The following AMZ1 variants were observed in gnomAD, a reference collection of about 807,000 sequenced individuals.
The protein encoded by AMZ1 is archaelysin family metallopeptidase 1.
AMZ1 carries 39 observed loss-of-function variants against 29.9 expected under a neutral mutation model. That is an observed-to-expected ratio of 1.30 (90% confidence interval 1.01 to 1.70). The LOEUF (loss-of-function observed/expected upper bound fraction) is 1.70, where lower values mean the gene tolerates loss of function less well. AMZ1 is among the 40% of genes most tolerant of loss of function. The pLI is 0.00. For missense variants in AMZ1, 1,041 were observed against 680.6 expected, an observed-to-expected ratio of 1.53 and a Z score of -5.89; for synonymous variants, 458 against 304.0, an observed-to-expected ratio of 1.51 and a Z score of -5.27.
intron 1 of AMZ1, among the ~76,000 whole-genome samples, chr7:2,688,562 G>A (rs1787190935): frequency 6.6e-6 from 1 of 152,170 alleles, no homozygotes; most frequent in African/African-American, 2.4e-5. Flanking sequence ...AGGGCCACGC[G>A]CCCCCTCCCC....
intron 1 of AMZ1, among the ~76,000 whole-genome samples, chr7:2,696,006 TGGG>T (rs561492178): frequency 9.5e-6 from 1 of 105,500 alleles, no homozygotes; most frequent in Non-Finnish European, 2.1e-5. Context: ...GAAACTGTCT[TGGG>T]GGGGAAAAAA....
At position 2,719,106 on chromosome 7, in the gene AMZ1, G is replaced by A. The variant is rs1378586232; in HGVS notation, c.*6228G>A. 3.3e-5 allele frequency among the ~76,000 whole-genome samples: 5 copies of A among 151,254 alleles called. No individual in the cohort carries two copies. The highest frequency in any genetic ancestry group is 4.2e-4 in the South Asian group (2 of 4,806). ...GTGGGTGGTGGCCGTCCTCTTGGGC[G>A]CCCCCTTGTGAGGGCTCGAGGCCTT... On this transcript the variant is annotated 3_prime_UTR_variant, in exon 7 of 7. Transcript: ENST00000683327.
chr7:2,683,215 A>G (rs1438603368), upstream of AMZ1, among the ~76,000 whole-genome samples: 3 of 152,180 alleles, frequency 2.0e-5, no homozygotes, highest in Non-Finnish European at 4.4e-5. Context: ...TGCGGCTTCA[A>G]ACAGCACACA....
At chr7:2,739,030 C>G (rs557524180) in intron 4 of AMZ1, among the ~76,000 whole-genome samples, 2 of 152,134 alleles carry the variant, frequency 1.3e-5, no homozygotes, top group Non-Finnish European at 2.9e-5. Context: ...GGTCCTTGGC[C>G]GTGGAGCAGC....
chr7:2,693,629 C>T (rs1787536151), intron 1 of AMZ1, among the ~76,000 whole-genome samples: 1 of 152,228 alleles, frequency 6.6e-6, no homozygotes, highest in Non-Finnish European at 1.5e-5. Context: ...GATCTCCGCT[C>T]ACTGCAAGCT....
chr7:2,741,074 A>G (rs541369113), intron 4 of AMZ1, among the ~76,000 whole-genome samples: 2 of 151,986 alleles, frequency 1.3e-5, no homozygotes, highest in African/African-American at 4.8e-5. Context: ...ACAAACAAAT[A>G]ATCAAACAAA....
At chr7:2,737,264 G>GTTTTT (rs201866976) in intron 4 of AMZ1, among the ~76,000 whole-genome samples, 9 of 52,488 alleles carry the variant, frequency 1.7e-4, no homozygotes, top group South Asian at 6.8e-4. Context: ...CTATCTCACA[G>GTTTTT]TTTTGTTTTG....
chr7:2,720,401 T>C (rs1370777498), downstream of AMZ1, among the ~76,000 whole-genome samples: 1 of 152,152 alleles, frequency 6.6e-6, no homozygotes, highest in Admixed American at 6.5e-5. Flanking sequence ...GAGGGGATCA[T>C]TATTTTTTTG....
intron 2 of AMZ1, chr7:2,702,317 T>G (rs866323067): frequency 5.7e-6 from 1 of 175,248 alleles, no homozygotes; most frequent in South Asian, 1.7e-4. Flanking sequence ...TTTGCAGCCA[T>G]GCAGCCTGGC....
chr7:2,720,593 C>G (rs112660102), downstream of AMZ1, among the ~76,000 whole-genome samples: 742 of 151,920 alleles, frequency 4.9e-3, 4 homozygotes, highest in African/African-American at 0.016. Flanking sequence ...TTAGTAGAGA[C>G]GGGGTTTTAC....
At chr7:2,710,495 C>A (rs10229934) in intron 6 of AMZ1, among the ~76,000 whole-genome samples, 2 of 152,048 alleles carry the variant, frequency 1.3e-5, no homozygotes, top group Admixed American at 6.5e-5. Flanking sequence ...ATCCTCCTCC[C>A]GCCCGTTGAG....
chr7:2,748,846 C>A (rs1463880458), intron 4 of AMZ1, among the ~76,000 whole-genome samples: 1 of 152,114 alleles, frequency 6.6e-6, no homozygotes, highest in African/African-American at 2.4e-5. Context: ...AAAAAGTGGG[C>A]AAAGGACATG....
At chr7:2,691,027 G>T (rs1787353920) in intron 1 of AMZ1, among the ~76,000 whole-genome samples, 1 of 148,806 alleles carries the variant, frequency 6.7e-6, no homozygotes, top group African/African-American at 2.5e-5. Flanking sequence ...TGTAGTCCCA[G>T]CTACTAGGGA....
In AMZ1 at chr7:2,717,796, T is replaced by C. The variant is rs909425470; in HGVS notation, c.*4918T>C. Among the ~76,000 whole-genome samples, 6 of 152,188 alleles carry C rather than the reference T, an allele frequency of 3.9e-5. No individual in the cohort carries two copies. Among genetic ancestry groups the C allele is most frequent in the Admixed American group, 1.3e-4 (2 of 15,284 alleles). On this transcript the variant is annotated 3_prime_UTR_variant, in exon 7 of 7. Coordinates refer to ENST00000683327, the MANE Select transcript of AMZ1 (RefSeq NM_001384743.1). The stretch of plus-strand genomic sequence containing the variant: ...GAGAACCCGGAAGAATGGAGGTTTA[T>C]TTTTGAACTCAGCTTCTTGGGTAGG...
rs1345593018 is a variant in AMZ1 at position 2,716,457 on chromosome 7, TTAA to T, written c.*3582_*3584del. ...GTGAGGAGGGAGGGATGCCGACCTGTTAATATTTGCTTCAGACCTTTCCCCGAT... is the reference window on the plus strand; with the variant it reads ...GTGAGGAGGGAGGGATGCCGACCTGTTATTTGCTTCAGACCTTTCCCCGAT... On this transcript the variant is annotated 3_prime_UTR_variant, in exon 7 of 7. Transcript: ENST00000683327. The T allele has an allele frequency of 6.6e-6, 1 of 152,156 alleles. No individual in the cohort carries two copies. Among genetic ancestry groups the T allele is most frequent in the East Asian group, 1.9e-4 (1 of 5,188 alleles). The allele number at this position is 152,156 out of a possible 1,614,324, so 9.4% of individuals were successfully genotyped here. A position where few individuals can be genotyped will look rare whatever the true frequency, so the allele number is the denominator to read the frequency against.
intron 1 of AMZ1, among the ~76,000 whole-genome samples, chr7:2,693,234 A>G (rs1159014120): frequency 6.6e-6 from 1 of 151,910 alleles, no homozygotes; most frequent in Non-Finnish European, 1.5e-5. Flanking sequence ...GATTACAGGC[A>G]TGCGCCACCA....
upstream of AMZ1, chr7:2,762,398 G>C (rs970739906): frequency 6.6e-6 from 3 of 457,196 alleles, no homozygotes; most frequent in African/African-American, 6.1e-5. Context: ...TCCTCACTGA[G>C]GAAACCAAAG....
intron 2 of AMZ1, among the ~76,000 whole-genome samples, chr7:2,700,961 C>T (rs188324040): frequency 2.9e-4 from 44 of 152,326 alleles, no homozygotes; most frequent in African/African-American, 8.9e-4. Flanking sequence ...GATGCTCAGA[C>T]GGCCCAGGCT....
chr7:2,708,563 C>A, intron 3 of AMZ1, 25 bp from the exon 4 acceptor site: 1 of 1,610,812 alleles, frequency 6.2e-7, no homozygotes, highest in East Asian at 2.2e-5. Flanking sequence ...CCTCCTGACC[C>A]CATCCTCTGG....
Sources: allele counts gnomAD v4.1 joint callset (sites outside exome capture counted in the v4.1 genomes callset), GRCh38; gene constraint gnomAD v4.1.1; transcripts MANE v1.5; gene names NCBI Gene and HGNC (gene_info 2026-07-23, HGNC 2026-07-21).